NEDD4L: variants seen among roughly 807,000 people sequenced by gnomAD.
NEDD4L encodes E3 ubiquitin-protein ligase NEDD4-like.
A neutral mutation model predicts 148.9 loss-of-function variants in NEDD4L; 54 were observed. The observed-to-expected ratio is 0.36, with a 90% CI of 0.29 to 0.45. NEDD4L has a LOEUF of 0.45. NEDD4L is among the 20% of genes least tolerant of loss of function. NEDD4L has a pLI of 1.00. For missense variants in NEDD4L, 856 were observed against 1,233.8 expected (o/e 0.69, Z 4.59); for synonymous variants, 433 against 440.7 (o/e 0.98, Z 0.22).
At chr18:58,186,090 A>G (rs1312518355) in intron 2 of NEDD4L, among the ~76,000 whole-genome samples, 2 of 140,608 alleles carry the variant, frequency 1.4e-5, no homozygotes, top group African/African-American at 6.5e-5. Flanking sequence ...CACACAGAGA[A>G]GGATACGTAT....
chr18:58,363,162 T>G (rs1181674396), intron 19 of NEDD4L, among the ~76,000 whole-genome samples: 1 of 151,920 alleles, frequency 6.6e-6, no homozygotes, highest in Non-Finnish European at 1.5e-5. Flanking sequence ...AGAGTGGTTG[T>G]TTGTTTTGTT....
At chr18:58,074,573 A>C (rs1449121180) in intron 1 of NEDD4L, among the ~76,000 whole-genome samples, 1 of 151,172 alleles carries the variant, frequency 6.6e-6, no homozygotes, top group Non-Finnish European at 1.5e-5. Flanking sequence ...GTGTCTGGCC[A>C]CTAAGAATTT....
chr18:58,344,288 G>A (rs1601511760), intron 16 of NEDD4L, among the ~76,000 whole-genome samples: 1 of 152,162 alleles, frequency 6.6e-6, no homozygotes, highest in South Asian at 2.1e-4. Context: ...GGTCTAGAGG[G>A]CGTGCTCCTA....
chr18:58,255,632 CT>C, intron 5 of NEDD4L: 12 of 1,232,536 alleles, frequency 9.7e-6, no homozygotes, highest in Non-Finnish European at 1.2e-5. Context: ...CCTGGCCCCC[CT>C]GGTCACCATG....
chr18:58,217,997 C>A (rs1260183155), intron 2 of NEDD4L, among the ~76,000 whole-genome samples: 2 of 152,106 alleles, frequency 1.3e-5, no homozygotes, highest in African/African-American at 4.8e-5. Context: ...TCAAGATGAT[C>A]TCACTAACAA....
intron 1 of NEDD4L, among the ~76,000 whole-genome samples, chr18:58,123,522 C>A (rs1874955141): frequency 6.6e-6 from 1 of 152,144 alleles, no homozygotes; most frequent in Admixed American, 6.5e-5. Context: ...CCTGAGGAGA[C>A]CCCCGCCCCG....
At chr18:58,253,708 G>A (rs1012491251) in intron 5 of NEDD4L, among the ~76,000 whole-genome samples, 2 of 152,132 alleles carry the variant, frequency 1.3e-5, no homozygotes, top group Admixed American at 6.5e-5. Context: ...ATGGCCTCTT[G>A]TTTGATGTGT....
rs1313054536 is a variant in NEDD4L at position 58,400,191 on chromosome 18, T to C, written c.*3922T>C. The C allele has an allele frequency of 3.9e-5, 6 of 152,254 alleles. No homozygotes were observed. The highest frequency in any genetic ancestry group is 3.9e-4 in the Admixed American group (6 of 15,274). 9.4% of individuals were successfully genotyped at this position (152,254 alleles called of 1,614,324 possible). On this transcript the variant is annotated 3_prime_UTR_variant, in exon 31 of 31. Transcript: ENST00000400345. Reference sequence around the variant, plus strand: ...CAGTAGAGGGTGCCGCTGTGCAGGGTAACTGCCCGCCTGCTCCCTTCCTGA... The same window carrying C: ...CAGTAGAGGGTGCCGCTGTGCAGGGCAACTGCCCGCCTGCTCCCTTCCTGA...
chr18:58,353,662 C>G (rs996031159), intron 18 of NEDD4L, among the ~76,000 whole-genome samples: 3 of 152,224 alleles, frequency 2.0e-5, no homozygotes, highest in Admixed American at 2.0e-4. Context: ...GAGGCTTTAT[C>G]AGGCTGACAC....
intron 23 of NEDD4L, chr18:58,372,046 G>T (rs2046947786): frequency 6.6e-6 from 1 of 152,198 alleles, no homozygotes; most frequent in Non-Finnish European, 1.5e-5. Flanking sequence ...TTAACCTGGA[G>T]AGTGATCAAA....
chr18:58,048,409 A>G (rs1033070829), intron 1 of NEDD4L, among the ~76,000 whole-genome samples: 2 of 152,190 alleles, frequency 1.3e-5, no homozygotes, highest in African/African-American at 4.8e-5. Flanking sequence ...ATACTATGTC[A>G]TTTAGTTCTC....
intron 27 of NEDD4L, 195 bp from the exon 28 acceptor site, chr18:58,388,890 C>T (rs1226749835): frequency 1.2e-5 from 7 of 603,154 alleles, no homozygotes; most frequent in African/African-American, 7.4e-5. Flanking sequence ...GAGCTGCCCT[C>T]GTGACTGCTG....
intron 27 of NEDD4L, 168 bp from the exon 28 acceptor site, chr18:58,388,917 T>A: frequency 1.6e-6 from 1 of 640,542 alleles, no homozygotes; most frequent in South Asian, 1.8e-5. Flanking sequence ...TGATCTGCTA[T>A]GGCAGGTGGA....
chr18:58,390,746 A>G lies in NEDD4L; in HGVS notation c.2752+4A>G, dbSNP rs1367924171. On this transcript the variant is annotated splice_donor_region_variant and intron_variant, in intron 29 of 30. Coordinates refer to ENST00000400345, the MANE Select transcript of NEDD4L (RefSeq NM_001144967.3). ...AATGGATTTGCCGAACTTTATGGTG[A>G]GCAGGATACCATTGGATTCAGTTGT... 7.6e-6 allele frequency: 12 copies of G among 1,577,306 alleles called. No individual in the cohort carries two copies. The highest frequency in any genetic ancestry group is 1.0e-5 in the Non-Finnish European group (12 of 1,156,454).
intron 2 of NEDD4L, among the ~76,000 whole-genome samples, chr18:58,243,259 G>T (rs1241097441): frequency 6.6e-6 from 1 of 152,230 alleles, no homozygotes; most frequent in African/African-American, 2.4e-5. Flanking sequence ...GTATGTGCGT[G>T]TGTGTGCACG....
At chr18:58,278,075 T>C (rs899120988) in intron 5 of NEDD4L, among the ~76,000 whole-genome samples, 6 of 152,142 alleles carry the variant, frequency 3.9e-5, no homozygotes, top group African/African-American at 7.2e-5. Context: ...TTGAGAAATA[T>C]CCAAGATTCC....
intron 24 of NEDD4L, among the ~76,000 whole-genome samples, chr18:58,376,555 C>T (rs1407716570): frequency 1.3e-5 from 2 of 152,146 alleles, no homozygotes; most frequent in East Asian, 1.9e-4. Flanking sequence ...GTTCACACAC[C>T]TCCCAAACCT....
chr18:58,199,003 G>T (rs1375803003), intron 2 of NEDD4L, among the ~76,000 whole-genome samples: 1 of 152,190 alleles, frequency 6.6e-6, no homozygotes, highest in Non-Finnish European at 1.5e-5. Flanking sequence ...TGTTGGCCAG[G>T]CTGGTCTCGA....
At chr18:58,158,847 C>T (rs1314959276) in intron 1 of NEDD4L, among the ~76,000 whole-genome samples, 3 of 152,160 alleles carry the variant, frequency 2.0e-5, no homozygotes. Context: ...CATCTTACGC[C>T]TCTGTTCCAC....
Sources: allele counts gnomAD v4.1 joint callset (sites outside exome capture counted in the v4.1 genomes callset), GRCh38; gene constraint gnomAD v4.1.1; transcripts MANE v1.5; gene names NCBI Gene and HGNC (gene_info 2026-07-23, HGNC 2026-07-21).